Variants in PVT1 observed in about 807,000 individuals in gnomAD.
PVT1 encodes the protein CXCR4/PVT1 fusion.
At chr8:127,910,207 G>T (rs1289676222) in intron 3 of PVT1, among the ~76,000 whole-genome samples, 1 of 152,182 alleles carries the variant, frequency 6.6e-6, no homozygotes, top group Non-Finnish European at 1.5e-5. Flanking sequence ...CACGCAAGGG[G>T]AAGATGGGAC....
At chr8:128,021,290 C>CTTTTTTTTTTTTTTTTTTTT (rs11438511) in intron 4 of PVT1, among the ~76,000 whole-genome samples, 10 of 81,138 alleles carry the variant, frequency 1.2e-4, no homozygotes, top group African/African-American at 4.3e-4. Context: ...AGGACTTGTG[C>CTTTTTTTTTTTTTTTTTTTT]TTTTTTTTTT....
intron 2 of PVT1, among the ~76,000 whole-genome samples, chr8:127,797,183 C>A (rs957585183): frequency 5.3e-5 from 8 of 151,706 alleles, no homozygotes; most frequent in Non-Finnish European, 7.4e-5. Context: ...CAGGCATGGA[C>A]CACCATGCCT....
At chr8:128,006,122 A>AATC in intron 4 of PVT1, among the ~76,000 whole-genome samples, 1 of 130,404 alleles carries the variant, frequency 7.7e-6, no homozygotes, top group East Asian at 2.2e-4. Context: ...TAATAATAAT[A>AATC]ATAATAATAA....
At chr8:127,879,445 C>G (rs1238373050) in intron 2 of PVT1, among the ~76,000 whole-genome samples, 1 of 152,248 alleles carries the variant, frequency 6.6e-6, no homozygotes, top group Admixed American at 6.5e-5. Flanking sequence ...AGGAGAATCA[C>G]TTGAACCCAG....
At chr8:128,040,867 AT>A (rs1283992688) in intron 4 of PVT1, among the ~76,000 whole-genome samples, 1 of 148,130 alleles carries the variant, frequency 6.8e-6, no homozygotes, top group African/African-American at 2.5e-5. Context: ...TTGTATGTGT[AT>A]TGTTTACGTG....
At chr8:127,806,062 A>C (rs7841347) in intron 2 of PVT1, among the ~76,000 whole-genome samples, 3 of 151,994 alleles carry the variant, frequency 2.0e-5, no homozygotes, top group Non-Finnish European at 2.9e-5. Flanking sequence ...ACATTACAAA[A>C]CACTAATATC....
chr8:128,016,978 G>T (rs1026305932), intron 4 of PVT1, among the ~76,000 whole-genome samples: 2 of 152,138 alleles, frequency 1.3e-5, no homozygotes, highest in Non-Finnish European at 2.9e-5. Context: ...TTGAGCCCAG[G>T]AGTTCAAGGC....
chr8:127,940,595 G>GA (rs1008745285), intron 3 of PVT1: 3 of 150,882 alleles, frequency 2.0e-5, no homozygotes, highest in Non-Finnish European at 4.4e-5. Context: ...TTTTTTTGTG[G>GA]GGGGGGGCGG....
At chr8:127,843,891 G>A (rs1284163765) in intron 2 of PVT1, among the ~76,000 whole-genome samples, 1 of 152,168 alleles carries the variant, frequency 6.6e-6, no homozygotes, top group East Asian at 1.9e-4. Context: ...GCCTTCCAAA[G>A]CTGCTAAGTC....
At chr8:128,027,666 G>A (rs1254841105) in intron 4 of PVT1, among the ~76,000 whole-genome samples, 1 of 152,118 alleles carries the variant, frequency 6.6e-6, no homozygotes, top group Non-Finnish European at 1.5e-5. Flanking sequence ...TGCCTCCCTG[G>A]GCTGTGGCAC....
intron 2 of PVT1, among the ~76,000 whole-genome samples, chr8:127,825,634 T>C (rs773321184): frequency 6.6e-6 from 1 of 152,152 alleles, no homozygotes; most frequent in Non-Finnish European, 1.5e-5. Context: ...TTCAGGATGC[T>C]TTAGTGGAAA....
At chr8:127,812,711 G>A (rs1814612501) in intron 2 of PVT1, among the ~76,000 whole-genome samples, 1 of 149,696 alleles carries the variant, frequency 6.7e-6, no homozygotes, top group East Asian at 2.0e-4. Context: ...GAGGGAAGGA[G>A]GGAAGAAAAG....
intron 2 of PVT1, among the ~76,000 whole-genome samples, chr8:127,868,806 C>CGTATATAT (rs1815319887): frequency 6.0e-5 from 2 of 33,560 alleles, no homozygotes; most frequent in Non-Finnish European, 9.0e-5. Flanking sequence ...TATATATGTA[C>CGTATATAT]ATATATATAT....
At chr8:127,856,280 G>A (rs1470055697) in intron 2 of PVT1, among the ~76,000 whole-genome samples, 1 of 152,092 alleles carries the variant, frequency 6.6e-6, no homozygotes, top group African/African-American at 2.4e-5. Flanking sequence ...GTCCTGGGAA[G>A]GCTTTTATAG....
chr8:127,988,808 T>C (rs1308183827), intron 3 of PVT1, among the ~76,000 whole-genome samples: 1 of 152,146 alleles, frequency 6.6e-6, no homozygotes, highest in Non-Finnish European at 1.5e-5. Flanking sequence ...CTAGTATTCT[T>C]GGAAGAAGGT....
intron 3 of PVT1, among the ~76,000 whole-genome samples, chr8:127,924,625 C>T (rs1408388378): frequency 6.6e-6 from 1 of 151,734 alleles, no homozygotes; most frequent in East Asian, 1.9e-4. Context: ...CATTCTCCTG[C>T]CTCAGCCTCC....
chr8:128,020,583 T>C (rs1451602190), intron 4 of PVT1, among the ~76,000 whole-genome samples: 2 of 152,098 alleles, frequency 1.3e-5, no homozygotes, highest in East Asian at 3.9e-4. Flanking sequence ...TTCAGCAACA[T>C]GAATAAGTTT....
chr8:128,074,023 C>T (rs183239575), intron 5 of PVT1, among the ~76,000 whole-genome samples: 2 of 152,282 alleles, frequency 1.3e-5, no homozygotes, highest in East Asian at 3.9e-4. Flanking sequence ...TTTCTCTTCT[C>T]TTCCCCTCTT....
chr8:127,875,428 A>G (rs1158804787), intron 2 of PVT1, among the ~76,000 whole-genome samples: 3 of 151,890 alleles, frequency 2.0e-5, no homozygotes, highest in African/African-American at 7.3e-5. Context: ...TCTGATTATA[A>G]GAGGAATACT....
Sources: allele counts gnomAD v4.1 joint callset (sites outside exome capture counted in the v4.1 genomes callset), GRCh38; gene constraint gnomAD v4.1.1; transcripts MANE v1.5; gene names NCBI Gene and HGNC (gene_info 2026-07-23, HGNC 2026-07-21).